Variants in HK1 observed in about 807,000 individuals in gnomAD.
HK1 encodes hexokinase-1.
A neutral mutation model predicts 91.6 loss-of-function variants in HK1; 28 were observed. That is an observed-to-expected ratio of 0.31 (90% CI 0.23 to 0.42). HK1 has a LOEUF of 0.42. HK1 is among the 10% of genes least tolerant of loss of function. The pLI is 1.00. For missense variants in HK1, 770 were observed against 1,219.8 expected, an observed-to-expected ratio of 0.63 and a Z score of 5.49; for synonymous variants, 430 against 468.1, an observed-to-expected ratio of 0.92 and a Z score of 1.05.
chr10:69,307,137 T>C (rs1399985116), intron 5 of HK1, among the ~76,000 whole-genome samples: 1 of 152,002 alleles, frequency 6.6e-6, no homozygotes, highest in Non-Finnish European at 1.5e-5. Flanking sequence ...AATCACGAAC[T>C]TGGGAGGGAG....
chr10:69,299,950 G>A lies in HK1; in HGVS notation c.-66-819G>A, dbSNP rs150558607. ...GCTGGGATTACAGGCCTCAGCCACCGTACCCGGCCTATTTTTAATTTTTTT... is the reference window on the plus strand; with the variant it reads ...GCTGGGATTACAGGCCTCAGCCACCATACCCGGCCTATTTTTAATTTTTTT... On this transcript the variant is annotated intron_variant, in intron 4 of 21. Transcript: ENST00000360289. Among the ~76,000 whole-genome samples the A allele has an allele frequency of 4.6e-5, 7 of 151,174 alleles. No individual in the cohort carries two copies. The East Asian group carries it at 9.7e-4, about 21-fold the overall frequency.
intron 16 of HK1, among the ~76,000 whole-genome samples, chr10:69,396,764 C>T (rs897403887): frequency 3.3e-5 from 5 of 152,290 alleles, no homozygotes; most frequent in African/African-American, 9.6e-5. Flanking sequence ...TCGCCATAAC[C>T]TCTGCCTCCT....
chr10:69,387,467 G>C (rs1425495291), intron 13 of HK1, among the ~76,000 whole-genome samples: 1 of 151,976 alleles, frequency 6.6e-6, no homozygotes, highest in Non-Finnish European at 1.5e-5. Context: ...TTGTGTTTTT[G>C]GTAAAGATGG....
chr10:69,317,208 C>T (rs1434677976), upstream of HK1, among the ~76,000 whole-genome samples: 1 of 152,190 alleles, frequency 6.6e-6, no homozygotes, highest in Non-Finnish European at 1.5e-5. Context: ...ATGATACCTG[C>T]CATTCCTTAA....
intron 14 of HK1, among the ~76,000 whole-genome samples, chr10:69,389,846 T>A (rs961728450): frequency 5.3e-5 from 8 of 152,332 alleles, no homozygotes; most frequent in African/African-American, 1.7e-4. Context: ...GGGTTGTCTC[T>A]GCAGCTCGTT....
chr10:69,348,717 A>C (rs1848694402), intron 2 of HK1, among the ~76,000 whole-genome samples: 1 of 152,158 alleles, frequency 6.6e-6, no homozygotes, highest in Non-Finnish European at 1.5e-5. Context: ...AGGCTGAGGC[A>C]CGAGAATCAC....
chr10:69,374,352 G>A (rs1446343721), intron 7 of HK1, among the ~76,000 whole-genome samples: 1 of 152,192 alleles, frequency 6.6e-6, no homozygotes, highest in Non-Finnish European at 1.5e-5. Flanking sequence ...CCCACCAGCA[G>A]GCAGATTGGT....
At chr10:69,395,453 C>T (rs1840091313) in intron 16 of HK1, among the ~76,000 whole-genome samples, 1 of 152,116 alleles carries the variant, frequency 6.6e-6, no homozygotes, top group African/African-American at 2.4e-5. Context: ...TGGCATATGC[C>T]TGTAATCCCA....
chr10:69,367,959 AG>A (rs1335612963), intron 4 of HK1, among the ~76,000 whole-genome samples: 1 of 152,252 alleles, frequency 6.6e-6, no homozygotes, highest in African/African-American at 2.4e-5. Context: ...CTGTGTAAAT[AG>A]GGGAGTCACC....
At chr10:69,298,076 T>C (rs1845659866) in intron 4 of HK1, among the ~76,000 whole-genome samples, 1 of 150,540 alleles carries the variant, frequency 6.6e-6, no homozygotes, top group Non-Finnish European at 1.5e-5. Flanking sequence ...CCAGGCGTGG[T>C]GGCAGGCACC....
intron 1 of HK1, among the ~76,000 whole-genome samples, chr10:69,343,113 A>G (rs946588635): frequency 1.3e-5 from 2 of 152,122 alleles, no homozygotes; most frequent in African/African-American, 4.8e-5. Context: ...GTCTCCATTC[A>G]TTGAGGCTGG....
At chr10:69,286,735 AG>A (rs201395446) in intron 2 of HK1, among the ~76,000 whole-genome samples, 8,105 of 151,986 alleles carry the variant, frequency 0.053, 293 homozygotes, top group South Asian at 0.13. Context: ...TTTAGTAGAG[AG>A]GGGGTTTCAC....
chr10:69,347,621 A>G (rs1022670964), intron 2 of HK1, among the ~76,000 whole-genome samples: 1 of 151,702 alleles, frequency 6.6e-6, no homozygotes, highest in Non-Finnish European at 1.5e-5. Context: ...TTTTTAGTAG[A>G]GACGAGGTTT....
At chr10:69,275,203 T>TAA (rs58235938) in intron 1 of HK1, among the ~76,000 whole-genome samples, 15 of 126,420 alleles carry the variant, frequency 1.2e-4, no homozygotes, top group African/African-American at 2.8e-4. Context: ...CATGAGTTAT[T>TAA]AAAAAAAAAA....
chr10:69,276,118 A>AAATAT, intron 1 of HK1, among the ~76,000 whole-genome samples: 4 of 38,272 alleles, frequency 1.0e-4, no homozygotes, highest in East Asian at 1.4e-3. Context: ...AAAAAAAAAA[A>AAATAT]ATACATATAT....
At chr10:69,329,333 T>C (rs1847571018) in intron 1 of HK1, among the ~76,000 whole-genome samples, 2 of 152,282 alleles carry the variant, frequency 1.3e-5, no homozygotes, top group South Asian at 4.2e-4. Context: ...CAGCTAATTT[T>C]TGTATTTTCA....
chr10:69,350,396 C>T (rs145885095), intron 2 of HK1, among the ~76,000 whole-genome samples: 8 of 152,256 alleles, frequency 5.3e-5, no homozygotes, highest in East Asian at 1.9e-4. Context: ...GTCTTTTGCC[C>T]GGCAGCGTAT....
chr10:69,339,568 G>GA (rs1848192776), intron 1 of HK1, among the ~76,000 whole-genome samples: 2 of 152,232 alleles, frequency 1.3e-5, no homozygotes, highest in Non-Finnish European at 1.5e-5. Context: ...CGTTCTCTGT[G>GA]TCTGCAGCCT....
At chr10:69,294,198 T>C (rs549816963) in intron 3 of HK1, among the ~76,000 whole-genome samples, 75 of 152,280 alleles carry the variant, frequency 4.9e-4, no homozygotes, top group South Asian at 1.9e-3. Context: ...TTGCATGGCA[T>C]TGCTATTGTC....
Sources: allele counts gnomAD v4.1 joint callset (sites outside exome capture counted in the v4.1 genomes callset), GRCh38; gene constraint gnomAD v4.1.1; transcripts MANE v1.5; gene names NCBI Gene and HGNC (gene_info 2026-07-23, HGNC 2026-07-21).